ANKS1B: variants seen among roughly 807,000 people sequenced by gnomAD.
ANKS1B encodes ankyrin repeat and sterile alpha motif domain-containing protein 1B.
ANKS1B carries 36 observed loss-of-function variants against 148.3 expected under a neutral mutation model. That is an observed-to-expected ratio of 0.24 (90% CI 0.19 to 0.32). ANKS1B has a LOEUF of 0.32. Among genes scored for constraint, ANKS1B ranks in the 10% least tolerant of loss-of-function variants. ANKS1B has a pLI of 1.00. For missense variants in ANKS1B, 1,157 were observed against 1,542.6 expected (o/e 0.75, Z 4.19); for synonymous variants, 542 against 560.8 (o/e 0.97, Z 0.47).
At chr12:99,355,497 A>T (rs183746350) in intron 12 of ANKS1B, among the ~76,000 whole-genome samples, 1 of 152,200 alleles carries the variant, frequency 6.6e-6, no homozygotes, top group East Asian at 1.9e-4. Flanking sequence ...AATTTGGGAG[A>T]ATCATATTAT....
intron 25 of ANKS1B, among the ~76,000 whole-genome samples, chr12:98,769,869 A>G (rs1334249163): frequency 6.6e-6 from 1 of 152,250 alleles, no homozygotes; most frequent in South Asian, 2.1e-4. Flanking sequence ...CAATGCAAAC[A>G]CGGTCTAGAG....
chr12:99,927,504 A>T (rs1251529488), intron 1 of ANKS1B, among the ~76,000 whole-genome samples: 1 of 152,238 alleles, frequency 6.6e-6, no homozygotes, highest in Non-Finnish European at 1.5e-5. Context: ...AAATGCAAAG[A>T]TTGCCTAGGA....
Position 98,883,791 on chromosome 12 carries a change from T to C in ANKS1B, c.2779-51655A>G, listed in dbSNP as rs369461530. Among the ~76,000 whole-genome samples the C allele has an allele frequency of 1.5e-3, 228 of 152,330 alleles. 4 individuals are homozygous for C. In the South Asian group the frequency reaches 0.045, roughly 30 times the overall value. ...TAAAAGTAAATATATATAAAGTGCA[T>C]AGAACAGTGCTTGCCACACCAGAAG... On this transcript the variant is annotated intron_variant, in intron 17 of 26. Transcript: ENST00000683438.
At chr12:99,114,559 T>C (rs1200681416) in intron 15 of ANKS1B, among the ~76,000 whole-genome samples, 1 of 152,038 alleles carries the variant, frequency 6.6e-6, no homozygotes, top group East Asian at 1.9e-4. Context: ...TGAGACCAGC[T>C]TGGCCAACAT....
chr12:99,654,086 C>T (rs1249864334), intron 9 of ANKS1B, among the ~76,000 whole-genome samples: 1 of 152,130 alleles, frequency 6.6e-6, no homozygotes, highest in Non-Finnish European at 1.5e-5. Context: ...GTAAAGGTTA[C>T]AGTAAACTGT....
At chr12:99,539,986 A>G (rs1175572954) in intron 9 of ANKS1B, among the ~76,000 whole-genome samples, 4 of 152,220 alleles carry the variant, frequency 2.6e-5, no homozygotes, top group Non-Finnish European at 5.9e-5. Flanking sequence ...CATCATGCAA[A>G]TAACAACCAA....
chr12:98,774,675 G>A (rs921135934), intron 24 of ANKS1B, among the ~76,000 whole-genome samples: 3 of 152,018 alleles, frequency 2.0e-5, no homozygotes, highest in Middle Eastern at 3.2e-3. Context: ...ACAGTGTTCC[G>A]TGTACAGCCA....
At chr12:99,361,397 GCTTTAT>G (rs2092449202) in intron 12 of ANKS1B, among the ~76,000 whole-genome samples, 1 of 152,006 alleles carries the variant, frequency 6.6e-6, no homozygotes, top group Admixed American at 6.6e-5. Flanking sequence ...CATTTCAAAC[GCTTTAT>G]TAAGTAACTC....
intron 17 of ANKS1B, among the ~76,000 whole-genome samples, chr12:98,836,856 A>C (rs1165465284): frequency 1.3e-5 from 2 of 152,216 alleles, no homozygotes; most frequent in Non-Finnish European, 2.9e-5. Context: ...CGGCTCAAAA[A>C]ACAATACTGA....
chr12:99,477,216 A>G (rs2096338635), intron 10 of ANKS1B, among the ~76,000 whole-genome samples: 1 of 152,196 alleles, frequency 6.6e-6, no homozygotes, highest in African/African-American at 2.4e-5. Flanking sequence ...CATAAATACC[A>G]GGAAAGCGGA....
intron 9 of ANKS1B, among the ~76,000 whole-genome samples, chr12:99,572,095 T>C (rs2097461951): frequency 6.6e-6 from 1 of 152,070 alleles, no homozygotes; most frequent in South Asian, 2.1e-4. Flanking sequence ...GTGCACTAAC[T>C]AAGCTCTATG....
rs1253772687 is a variant in ANKS1B at position 99,835,202 on chromosome 12, A to G, written c.135-9813T>C. On this transcript the variant is annotated intron_variant, in intron 1 of 26. Coordinates refer to ENST00000683438, the MANE Select transcript of ANKS1B (RefSeq NM_001352186.2). ...CAAGACAGGTGGATCACTTGAGCCC[A>G]GGAGTTTGAGATCAGCCTGGGCAAC... Among the ~76,000 whole-genome samples, 5 of 148,078 alleles carry G rather than the reference A, an allele frequency of 3.4e-5. No homozygotes were observed. The East Asian group carries it at 1.0e-3, about 30-fold the overall frequency.
intron 17 of ANKS1B, among the ~76,000 whole-genome samples, chr12:98,920,487 T>C (rs769230600): frequency 4.8e-4 from 73 of 152,322 alleles, no homozygotes; most frequent in Non-Finnish European, 8.1e-4. Flanking sequence ...GAGGAGCAAG[T>C]CACATCTTAT....
chr12:99,640,174 A>G (rs1405963142), intron 9 of ANKS1B, among the ~76,000 whole-genome samples: 1 of 152,106 alleles, frequency 6.6e-6, no homozygotes, highest in African/African-American at 2.4e-5. Flanking sequence ...TCCATCTCAA[A>G]ATAAATAAAT....
intron 12 of ANKS1B, among the ~76,000 whole-genome samples, chr12:99,256,975 G>A (rs2075329351): frequency 6.6e-6 from 1 of 152,124 alleles, no homozygotes; most frequent in Non-Finnish European, 1.5e-5. Flanking sequence ...GCCGGGTGCA[G>A]TGGCTCATGC....
At chr12:99,590,263 CACACACA>C (rs1567423076) in intron 9 of ANKS1B, among the ~76,000 whole-genome samples, 10 of 144,974 alleles carry the variant, frequency 6.9e-5, no homozygotes, top group African/African-American at 2.6e-4. Context: ...CCCACCCACA[CACACACA>C]CACACACACA....
intron 17 of ANKS1B, among the ~76,000 whole-genome samples, chr12:98,876,184 T>C (rs968933324): frequency 2.0e-5 from 3 of 152,170 alleles, no homozygotes; most frequent in Non-Finnish European, 4.4e-5. Context: ...ATGTCTCTCC[T>C]CTTCCTCACA....
intron 12 of ANKS1B, among the ~76,000 whole-genome samples, chr12:99,326,711 A>AT (rs574033659): frequency 3.5e-4 from 52 of 149,268 alleles, no homozygotes; most frequent in East Asian, 9.8e-4. Context: ...TTATATTTTA[A>AT]TTTTTTTTTT....
chr12:99,056,864 T>C (rs1268935323), intron 16 of ANKS1B, among the ~76,000 whole-genome samples: 1 of 152,170 alleles, frequency 6.6e-6, no homozygotes, highest in African/African-American at 2.4e-5. Flanking sequence ...TTCTAACCAT[T>C]TGTAGGACAT....
Sources: allele counts gnomAD v4.1 joint callset (sites outside exome capture counted in the v4.1 genomes callset), GRCh38; gene constraint gnomAD v4.1.1; transcripts MANE v1.5; gene names NCBI Gene and HGNC (gene_info 2026-07-23, HGNC 2026-07-21).